DNAJC6: variants seen among roughly 807,000 people sequenced by gnomAD.
DNAJC6 encodes the protein DnaJ heat shock protein family (Hsp40) member C6.
Under a neutral mutation model 110.0 loss-of-function variants are expected in DNAJC6, and 34 were observed. The observed-to-expected ratio is 0.31, with a 90% CI of 0.24 to 0.41. The LOEUF is 0.41. Ranked by LOEUF, DNAJC6 falls within the 10% of genes least tolerant of loss-of-function variation. The probability of loss-of-function intolerance (pLI) is 1.00; values close to 1 mark genes in which losing one functional copy is unlikely to be tolerated. For missense variants in DNAJC6, 1,031 were observed against 1,207.8 expected (o/e 0.85, Z 2.17); for synonymous variants, 406 against 437.2 (o/e 0.93, Z 0.89).
intron 3 of DNAJC6, 27 bp downstream of exon 3, chr1:65,365,961 C>G: frequency 6.2e-7 from 1 of 1,613,026 alleles, no homozygotes; most frequent in Non-Finnish European, 8.5e-7. Context: ...TATTAACAGT[C>G]CTTTGGCTCA....
rs1229881530 is a variant in DNAJC6 at position 65,314,149 on chromosome 1, T to C, written c.193+4211T>C. ...GATTCTCACTTTTTAGGCTTTGTTC[T>C]ATATATTTAAATATATAGAAATTCA... is the stretch of plus-strand genomic sequence containing the variant. On this transcript the variant is annotated intron_variant, in intron 1 of 18. Transcript: ENST00000371069. Among the ~76,000 whole-genome samples the C allele has an allele frequency of 2.0e-5, 3 of 151,734 alleles. No homozygotes were observed. The East Asian group carries it at 5.8e-4, about 29-fold the overall frequency.
chr1:65,278,765 T>TGA (rs1653753806), intron 1 of DNAJC6, among the ~76,000 whole-genome samples: 1 of 152,134 alleles, frequency 6.6e-6, no homozygotes, highest in African/African-American at 2.4e-5. Flanking sequence ...AAGGAAAAAT[T>TGA]ACCTGGGGAC....
At chr1:65,321,911 T>G (rs1336586757) in intron 1 of DNAJC6, among the ~76,000 whole-genome samples, 1 of 152,146 alleles carries the variant, frequency 6.6e-6, no homozygotes, top group African/African-American at 2.4e-5. Context: ...AAAGTTGGGT[T>G]TTAATTGCCA....
In DNAJC6 at chr1:65,398,613, C is replaced by T. The variant is rs373847131; in HGVS notation, c.2039-200C>T. 4.7e-4 allele frequency among the ~76,000 whole-genome samples: 71 copies of T among 152,318 alleles called. 2 individuals are homozygous for T. The South Asian group carries it at 0.015, about 32-fold the overall frequency. On this transcript the variant is annotated intron_variant, in intron 13 of 18. Transcript: ENST00000371069. Reference sequence around the variant, plus strand: ...ATAATATGTCGTTTCTGTCAAGCCTCATGTGAACAACCAGAGGTGAAGGCA... The same window carrying T: ...ATAATATGTCGTTTCTGTCAAGCCTTATGTGAACAACCAGAGGTGAAGGCA...
intron 1 of DNAJC6, among the ~76,000 whole-genome samples, chr1:65,296,224 A>G (rs116534448): frequency 8.2e-4 from 125 of 152,356 alleles, no homozygotes; most frequent in African/African-American, 2.9e-3. Flanking sequence ...AGTCTTTCAG[A>G]AAAATGGTCT....
intron 1 of DNAJC6, among the ~76,000 whole-genome samples, chr1:65,319,746 A>G (rs1363203474): frequency 1.3e-5 from 2 of 152,196 alleles, no homozygotes; most frequent in Non-Finnish European, 2.9e-5. Flanking sequence ...ATCTTAGCAG[A>G]TAATAGTCTT....
chr1:65,277,075 TC>T (rs1370037863), intron 1 of DNAJC6, among the ~76,000 whole-genome samples: 7 of 152,160 alleles, frequency 4.6e-5, no homozygotes, highest in Non-Finnish European at 8.8e-5. Flanking sequence ...TTTTCTAATT[TC>T]CCTCATCAGA....
At chr1:65,369,559 T>C (rs984337930) in intron 4 of DNAJC6, among the ~76,000 whole-genome samples, 7 of 152,174 alleles carry the variant, frequency 4.6e-5, no homozygotes, top group Non-Finnish European at 7.3e-5. Flanking sequence ...TATTTGTAGA[T>C]TCATAAGGGT....
At chr1:65,302,247 A>ATATATAATATTATATATATTATATAT (rs1190639555) in intron 1 of DNAJC6, among the ~76,000 whole-genome samples, 143 of 20,874 alleles carry the variant, frequency 6.9e-3, no homozygotes, top group Non-Finnish European at 9.3e-3. Flanking sequence ...TGATATATTA[A>ATATATAATATTATATATATTATATAT]TATATAATAT....
chr1:65,387,595 A>G (rs1404109422), intron 8 of DNAJC6, among the ~76,000 whole-genome samples: 1 of 152,166 alleles, frequency 6.6e-6, no homozygotes, highest in Non-Finnish European at 1.5e-5. Context: ...ATGTTTTTGA[A>G]GCTTATTGTG....
chr1:65,279,924 T>G (rs574441), intron 1 of DNAJC6: 1 of 152,104 alleles, frequency 6.6e-6, no homozygotes, highest in Non-Finnish European at 1.5e-5. Flanking sequence ...TCAGGGAAGA[T>G]AAAAGAAAGC....
At chr1:65,359,320 A>G (rs1645576875) in intron 1 of DNAJC6, among the ~76,000 whole-genome samples, 1 of 152,210 alleles carries the variant, frequency 6.6e-6, no homozygotes, top group African/African-American at 2.4e-5. Context: ...ACTTGGAAGG[A>G]ATAGGATACT....
At chr1:65,358,836 G>A (rs1264608214) in intron 1 of DNAJC6, among the ~76,000 whole-genome samples, 1 of 152,014 alleles carries the variant, frequency 6.6e-6, no homozygotes, top group Non-Finnish European at 1.5e-5. Context: ...GTCTCTTTTT[G>A]GTAAGTTTTT....
intron 1 of DNAJC6, among the ~76,000 whole-genome samples, chr1:65,357,782 G>A (rs903823369): frequency 2.0e-5 from 3 of 152,322 alleles, no homozygotes; most frequent in East Asian, 1.9e-4. Flanking sequence ...GATGAATCAC[G>A]CAAGAGGAAG....
intron 1 of DNAJC6, among the ~76,000 whole-genome samples, chr1:65,287,811 C>G (rs183125297): frequency 4.6e-5 from 7 of 152,060 alleles, no homozygotes; most frequent in African/African-American, 1.7e-4. Context: ...ACCATGTTGC[C>G]CAGGCTGGTC....
chr1:65,303,339 T>G (rs1279929954), intron 1 of DNAJC6, among the ~76,000 whole-genome samples: 1 of 152,332 alleles, frequency 6.6e-6, no homozygotes, highest in African/African-American at 2.4e-5. Flanking sequence ...TAATATACGG[T>G]CAAATAATAA....
chr1:65,299,682 A>C (rs567735280), intron 1 of DNAJC6, among the ~76,000 whole-genome samples: 5 of 152,350 alleles, frequency 3.3e-5, no homozygotes, highest in African/African-American at 1.2e-4. Context: ...ATGAGAAAAC[A>C]CAGGTTTAGA....
intron 4 of DNAJC6, among the ~76,000 whole-genome samples, chr1:65,368,730 T>TCTTCTCCTTCTTCTC: frequency 2.4e-5 from 1 of 41,202 alleles, no homozygotes; most frequent in African/African-American, 2.1e-4. Context: ...TTCTTCTTCT[T>TCTTCTCCTTCTTCTC]CTTCTTCCCC....
At chr1:65,329,551 C>T (rs915339155) in intron 1 of DNAJC6, among the ~76,000 whole-genome samples, 1 of 151,588 alleles carries the variant, frequency 6.6e-6, no homozygotes, top group Non-Finnish European at 1.5e-5. Flanking sequence ...ACAGTATTCC[C>T]ACTCATGATC....
Sources: allele counts gnomAD v4.1 joint callset (sites outside exome capture counted in the v4.1 genomes callset), GRCh38; gene constraint gnomAD v4.1.1; transcripts MANE v1.5; gene names NCBI Gene and HGNC (gene_info 2026-07-23, HGNC 2026-07-21).